C1orf94: variants seen among roughly 807,000 people sequenced by gnomAD.
C1orf94 encodes chromosome 1 open reading frame 94, also known as uncharacterized protein C1orf94.
C1orf94 carries 45 observed loss-of-function variants against 53.6 expected under a neutral mutation model. The ratio of observed to expected loss-of-function variants is 0.84; its 90% confidence interval spans 0.66 to 1.08. The LOEUF is 1.08. Among genes scored for constraint, C1orf94 ranks in the 50% least tolerant of loss-of-function variants. The pLI, the probability that C1orf94 is intolerant of heterozygous loss-of-function variation, is 0.00. For synonymous variants in C1orf94, 304 were observed against 296.1 expected (o/e 1.03, Z -0.27); for missense variants, 762 against 738.9 (o/e 1.03, Z -0.36).
chr1:34,202,937 T>C (rs979777024), intron 4 of C1orf94, among the ~76,000 whole-genome samples: 3 of 152,188 alleles, frequency 2.0e-5, no homozygotes, highest in Non-Finnish European at 4.4e-5. Context: ...GATAATACAG[T>C]ATAATAACTA....
At chr1:34,176,301 C>T (rs1642225167), upstream of C1orf94, among the ~76,000 whole-genome samples, 1 of 152,136 alleles carries the variant, frequency 6.6e-6, no homozygotes, top group African/African-American at 2.4e-5. Context: ...CTTGCTTTTC[C>T]TTTTCAGGGG....
intron 1 of C1orf94, among the ~76,000 whole-genome samples, chr1:34,178,965 G>A (rs1288190217): frequency 6.6e-6 from 1 of 152,202 alleles, no homozygotes; most frequent in African/African-American, 2.4e-5. Flanking sequence ...GATGGATTAA[G>A]TGTTAATAAT....
In C1orf94 at chr1:34,212,380, G is replaced by A. The variant is rs765326828; in HGVS notation, c.1695G>A (p.Pro565=). Residue 565 remains proline (P), a synonymous_variant, in exon 6 of 7, where the codon CCG becomes CCA. Transcript: ENST00000488417. ...CTCCCCTAATGGCAGGAGATGGACC[G>A]CAGTACCTCTTTCCCCAAGGATATG... ...RDPPLMAGDG[P]QYLFPQGYGF... 28 of 1,611,632 alleles carry A rather than the reference G, an allele frequency of 1.7e-5. No individual in the cohort carries two copies. The highest frequency in any genetic ancestry group is 1.1e-4 in the East Asian group (5 of 44,738).
Position 34,212,377 on chromosome 1 carries a change from A to G in C1orf94, c.1692A>G (p.Gly564=), listed in dbSNP as rs190215667. 5 of 1,610,892 alleles carry G rather than the reference A, an allele frequency of 3.1e-6. No homozygotes were observed. The African/African-American group carries it at 4.0e-5, about 13-fold the overall frequency. The part of the protein sequence containing the change: ...PRDPPLMAGD[G]PQYLFPQGYG... ...ACCCTCCCCTAATGGCAGGAGATGGACCGCAGTACCTCTTTCCCCAAGGAT... is the reference window on the plus strand; with the variant it reads ...ACCCTCCCCTAATGGCAGGAGATGGGCCGCAGTACCTCTTTCCCCAAGGAT... The change falls in exon 6 of 7, where the codon GGA becomes GGG. Residue 564 remains glycine, a synonymous_variant. Coordinates refer to ENST00000488417, the MANE Select transcript of C1orf94 (RefSeq NM_001134734.2).
At chr1:34,207,233 T>C (rs13375376) in intron 4 of C1orf94, among the ~76,000 whole-genome samples, 13,848 of 151,592 alleles carry the variant, frequency 0.091, 1,321 homozygotes, top group African/African-American at 0.25. Context: ...AGACTAGAAC[T>C]GACCACTGCC....
At chr1:34,210,452 G>A (rs955136976) in intron 5 of C1orf94, among the ~76,000 whole-genome samples, 2 of 152,130 alleles carry the variant, frequency 1.3e-5, no homozygotes, top group African/African-American at 4.8e-5. Flanking sequence ...ATAGGCTCCG[G>A]GCTTACCCTG....
At chr1:34,201,105 C>G in intron 3 of C1orf94, 73 bp downstream of exon 3, 1 of 1,519,486 alleles carries the variant, frequency 6.6e-7, no homozygotes, top group Non-Finnish European at 8.9e-7. Flanking sequence ...CAGGGTGGCT[C>G]TGTCACCAAG....
At chr1:34,195,085 G>A (rs1642557187) in intron 1 of C1orf94, among the ~76,000 whole-genome samples, 2 of 152,134 alleles carry the variant, frequency 1.3e-5, no homozygotes, top group Non-Finnish European at 2.9e-5. Flanking sequence ...GAAGGGAATA[G>A]GTGACAAGTC....
intron 6 of C1orf94, among the ~76,000 whole-genome samples, chr1:34,212,787 C>T (rs1008733284): frequency 6.6e-5 from 10 of 152,178 alleles, no homozygotes; most frequent in Admixed American, 3.9e-4. Context: ...TCACCTCCCA[C>T]TGTCCGCACC....
At chr1:34,211,125 C>T (rs1051986630) in intron 5 of C1orf94, among the ~76,000 whole-genome samples, 3 of 152,012 alleles carry the variant, frequency 2.0e-5, no homozygotes, top group Non-Finnish European at 2.9e-5. Flanking sequence ...ACATCAGCTC[C>T]GTATGAGAAA....
intron 1 of C1orf94, among the ~76,000 whole-genome samples, chr1:34,196,705 A>C (rs1771361): frequency 6.6e-6 from 1 of 151,950 alleles, no homozygotes; most frequent in African/African-American, 2.4e-5. Flanking sequence ...AGTTGACTGG[A>C]TCAGGGTGTA....
chr1:34,200,996 C>T lies in C1orf94; in HGVS notation c.1234C>T (p.Arg412Ter), dbSNP rs775448857. Reference protein sequence around the residue: ...TKNPSGQPRLRNKVEVDGPEL... With the variant: ...TKNPSGQPRL The stretch of plus-strand genomic sequence containing the variant: ...GAACCCAAGCGGGCAGCCGAGACTT[C>T]GAAACAAAGTGGAAGTGGATGGGCC... The change falls in exon 3 of 7, where the codon CGA becomes TGA. Residue 412 changes from arginine to a stop codon, truncating the protein, a stop_gained. Coordinates refer to ENST00000488417, the MANE Select transcript of C1orf94 (RefSeq NM_001134734.2). LOFTEE classifies it high-confidence loss of function. The T allele has an allele frequency of 5.6e-6, 9 of 1,609,694 alleles. No individual in the cohort carries two copies. The highest frequency in any genetic ancestry group is 6.8e-6 in the Non-Finnish European group (8 of 1,177,972).
At chr1:34,206,666 C>T (rs1642799993) in intron 4 of C1orf94, among the ~76,000 whole-genome samples, 1 of 152,216 alleles carries the variant, frequency 6.6e-6, no homozygotes, top group Admixed American at 6.5e-5. Context: ...TAGCAACATG[C>T]CTAGTGGCCT....
Position 34,210,032 on chromosome 1 carries a change from T to C in C1orf94, c.1524+1798T>C, listed in dbSNP as rs550263524. ...GCGGCATTCTGGGCACACTGTTCCA[T>C]TGCTTTTGTCAGTGAGGATTATATT... On this transcript the variant is annotated intron_variant, in intron 5 of 6. Transcript: ENST00000488417. Among the ~76,000 whole-genome samples, 7 of 152,324 alleles carry C rather than the reference T, an allele frequency of 4.6e-5. No homozygotes were observed. In the East Asian group the frequency reaches 1.4e-3, roughly 29 times the overall value.
chr1:34,191,562 A>G (rs148881899), intron 1 of C1orf94, among the ~76,000 whole-genome samples: 1 of 152,304 alleles, frequency 6.6e-6, no homozygotes, highest in Non-Finnish European at 1.5e-5. Context: ...CAGTCTGCAG[A>G]TGGACCACAA....
chr1:34,188,980 T>C (rs965681934), intron 1 of C1orf94, among the ~76,000 whole-genome samples: 50 of 152,122 alleles, frequency 3.3e-4, no homozygotes, highest in African/African-American at 1.1e-3. Flanking sequence ...TCCTTCCCTG[T>C]TTTCTTTCCT....
chr1:34,173,845 A>T (rs1352309291), upstream of C1orf94, among the ~76,000 whole-genome samples: 2 of 152,134 alleles, frequency 1.3e-5, no homozygotes, highest in Non-Finnish European at 2.9e-5. Flanking sequence ...TTCACTTTAA[A>T]CTCTAAAAAA....
At chr1:34,173,240 C>T (rs1257737043), upstream of C1orf94, among the ~76,000 whole-genome samples, 1 of 152,186 alleles carries the variant, frequency 6.6e-6, no homozygotes, top group Non-Finnish European at 1.5e-5. Flanking sequence ...AAATAAATTA[C>T]TCATGGCCAA....
intron 2 of C1orf94, among the ~76,000 whole-genome samples, chr1:34,199,660 T>C (rs969684202): frequency 1.3e-5 from 2 of 152,194 alleles, no homozygotes; most frequent in Admixed American, 1.3e-4. Flanking sequence ...ATCTGGTGGG[T>C]GGCCAGGTTT....
Sources: allele counts gnomAD v4.1 joint callset (sites outside exome capture counted in the v4.1 genomes callset), GRCh38; gene constraint gnomAD v4.1.1; transcripts MANE v1.5; gene names NCBI Gene and HGNC (gene_info 2026-07-23, HGNC 2026-07-21).